The following TP63 variants were observed in gnomAD, a reference collection of about 807,000 sequenced individuals.
The protein encoded by TP63 is tumor protein p63.
Under a neutral mutation model 82.8 loss-of-function variants are expected in TP63, and 17 were observed. That is an observed-to-expected ratio of 0.21 (90% CI 0.14 to 0.31). The LOEUF is 0.31. Among genes scored for constraint, TP63 ranks in the 10% least tolerant of loss-of-function variants. TP63 has a pLI of 1.00. For synonymous variants in TP63, 330 were observed against 321.7 expected, an observed-to-expected ratio of 1.03 and a Z score of -0.28; for missense variants, 648 against 895.3, an observed-to-expected ratio of 0.72 and a Z score of 3.52.
chr3:189,808,147 G>T, intron 3 of TP63, 125 bp from the exon 4 acceptor site: 1 of 1,513,624 alleles, frequency 6.6e-7, no homozygotes, highest in Non-Finnish European at 9.1e-7. Context: ...GTTTTACTTT[G>T]AATGTGAAGT....
chr3:189,815,112 TTC>T (rs1728031500), intron 4 of TP63, among the ~76,000 whole-genome samples: 1 of 152,158 alleles, frequency 6.6e-6, no homozygotes, highest in Non-Finnish European at 1.5e-5. Flanking sequence ...CTTCTCTTTT[TTC>T]CTTCATTTAT....
At chr3:189,749,363 T>G (rs534556051) in intron 3 of TP63, among the ~76,000 whole-genome samples, 1 of 151,976 alleles carries the variant, frequency 6.6e-6, no homozygotes, top group African/African-American at 2.4e-5. Context: ...CCCGTAAAAA[T>G]GAGATTACTG....
intron 1 of TP63, among the ~76,000 whole-genome samples, chr3:189,690,887 T>A (rs913410330): frequency 2.6e-5 from 4 of 152,222 alleles, no homozygotes; most frequent in African/African-American, 9.6e-5. Flanking sequence ...CTGAAGATGC[T>A]TTTTTGACTG....
intron 3 of TP63, among the ~76,000 whole-genome samples, chr3:189,765,433 C>CTTTTTTTGTTTTTTTTTTTTTTT (rs1722873151): frequency 3.3e-5 from 1 of 30,088 alleles, no homozygotes; most frequent in African/African-American, 1.2e-4. Context: ...CTGTCCTCTG[C>CTTTTTTTGTTTTTTTTTTTTTTT]TTTTTTTTTT....
At chr3:189,861,896 T>G (rs1338030881) in intron 4 of TP63, among the ~76,000 whole-genome samples, 1 of 152,222 alleles carries the variant, frequency 6.6e-6, no homozygotes, top group Admixed American at 6.5e-5. Context: ...TACATTTATT[T>G]TCTTATTTAT....
At chr3:189,760,263 G>C (rs190956979) in intron 3 of TP63, among the ~76,000 whole-genome samples, 3 of 152,242 alleles carry the variant, frequency 2.0e-5, no homozygotes, top group Admixed American at 2.0e-4. Context: ...GAAGTCCCCA[G>C]TCTAAAGTTT....
chr3:189,682,369 TTAC>T lies in TP63; in HGVS notation c.62+50797_62+50799del, dbSNP rs551193042. Among the ~76,000 whole-genome samples the T allele has an allele frequency of 3.4e-3, 513 of 150,268 alleles. 4 individuals are homozygous for T. Among genetic ancestry groups the T allele is most frequent in the African/African-American group, 0.012 (494 of 41,096 alleles). ...AATCAGCACCTTTTTTTTTTTTTAA[TTAC>T]TACTTAGTGTTGAGAAGTTTCTAGG... On this transcript the variant is annotated intron_variant, in intron 1 of 13. Transcript: ENST00000264731.
chr3:189,791,908 TGTC>T (rs1725181987), intron 3 of TP63, among the ~76,000 whole-genome samples: 1 of 152,070 alleles, frequency 6.6e-6, no homozygotes, highest in Non-Finnish European at 1.5e-5. Flanking sequence ...TATTAGTAAC[TGTC>T]AATACAGAAA....
the TP63 span, among the ~76,000 whole-genome samples, chr3:189,623,302 A>G: frequency 3.3e-5 from 5 of 152,314 alleles, no homozygotes; most frequent in East Asian, 9.6e-4. Flanking sequence ...TATGGGCTCA[A>G]ACTAACCAAG....
chr3:189,886,291 G>A lies in TP63; in HGVS notation c.1350-103G>A, dbSNP rs1720435193. The A allele has an allele frequency of 3.8e-5, 50 of 1,302,772 alleles. No homozygotes were observed. In the South Asian group the frequency reaches 5.9e-4, roughly 15 times the overall value. 80.7% of individuals were successfully genotyped at this position (1,302,772 alleles called of 1,614,324 possible). On this transcript the variant is annotated intron_variant, in intron 10 of 13. Transcript: ENST00000264731. ...TAATCCTAGAAGAATGTTTTCAAAT[G>A]TTTGGTTTGAGGCCATGTTTTAAAC... is the stretch of plus-strand genomic sequence containing the variant.
intron 4 of TP63, among the ~76,000 whole-genome samples, chr3:189,844,902 C>T (rs1714668299): frequency 6.6e-6 from 1 of 152,152 alleles, no homozygotes. Flanking sequence ...TTGCCTCCCA[C>T]CAGATTAGCT....
chr3:189,869,825 A>C lies in TP63; in HGVS notation c.1212+419A>C, dbSNP rs114400691. On this transcript the variant is annotated intron_variant, in intron 9 of 13. Coordinates refer to ENST00000264731, the MANE Select transcript of TP63 (RefSeq NM_003722.5). ...TTCTAATGTCATCACAATGGGGTTA[A>C]AATTTCCATCTGTGAACTTTGGAAG... Among the ~76,000 whole-genome samples the C allele has an allele frequency of 3.1e-3, 466 of 152,220 alleles. 2 individuals are homozygous for C. Among genetic ancestry groups the C allele is most frequent in the African/African-American group, 0.011 (455 of 41,530 alleles).
chr3:189,642,545 TA>T (rs1711988573), intron 1 of TP63, among the ~76,000 whole-genome samples: 1 of 151,368 alleles, frequency 6.6e-6, no homozygotes, highest in South Asian at 2.1e-4. Context: ...TCTATATGTC[TA>T]TTTTTTTTTT....
rs1190251991 is a variant in TP63, at chr3:189,640,750, C to T, written c.62+9173C>T. Reference sequence around the variant, plus strand: ...TTTTGACCTCCCTTCTTTTCTTTTGCTCTTTCTCTCTTTCATAGAAGCTCT... The same window carrying T: ...TTTTGACCTCCCTTCTTTTCTTTTGTTCTTTCTCTCTTTCATAGAAGCTCT... On this transcript the variant is annotated intron_variant, in intron 1 of 13. Transcript: ENST00000264731. Among the ~76,000 whole-genome samples the T allele has an allele frequency of 2.6e-5, 4 of 152,198 alleles. No homozygotes were observed. In the East Asian group the frequency reaches 5.8e-4, roughly 22 times the overall value.
rs113145862 is a variant in TP63, at chr3:189,849,394, C to T, written c.580-14838C>T. On this transcript the variant is annotated intron_variant, in intron 4 of 13. Transcript: ENST00000264731. ...TTGGGAACTGAGTCTTCAACCTGTG[C>T]GATATGACAGATCTCCGGGTAGACA... 2.6e-5 allele frequency among the ~76,000 whole-genome samples: 4 copies of T among 152,016 alleles called. No individual in the cohort carries two copies. The East Asian group carries it at 5.8e-4, about 22-fold the overall frequency.
intron 4 of TP63, among the ~76,000 whole-genome samples, chr3:189,810,757 G>A (rs1267428874): frequency 1.3e-5 from 2 of 149,656 alleles, no homozygotes; most frequent in Admixed American, 6.8e-5. Context: ...TGGGGAGACT[G>A]AGAAAGGAGA....
At chr3:189,703,174 C>G (rs1717940543) in intron 1 of TP63, among the ~76,000 whole-genome samples, 1 of 152,216 alleles carries the variant, frequency 6.6e-6, no homozygotes, top group Non-Finnish European at 1.5e-5. Flanking sequence ...TGTCTCACGC[C>G]TGTAATCCCA....
At chr3:189,641,644 A>G (rs1052199936) in intron 1 of TP63, among the ~76,000 whole-genome samples, 5 of 152,144 alleles carry the variant, frequency 3.3e-5, no homozygotes, top group Non-Finnish European at 5.9e-5. Flanking sequence ...CATCATATCT[A>G]TGTAATTTAC....
chr3:189,830,482 GGA>G (rs1577055121), intron 4 of TP63, among the ~76,000 whole-genome samples: 1 of 152,140 alleles, frequency 6.6e-6, no homozygotes, highest in East Asian at 1.9e-4. Flanking sequence ...TTTACTAACA[GGA>G]GTTGAAAGTC....
Sources: gnomAD v4.1 joint callset for allele counts (sites outside exome capture counted in the v4.1 genomes callset) on GRCh38, gnomAD v4.1.1 for gene constraint, MANE v1.5 for transcripts, NCBI Gene and HGNC (gene_info 2026-07-23, HGNC 2026-07-21) for gene names.